TNNI3K: variants seen among roughly 807,000 people sequenced by gnomAD.
TNNI3K encodes the protein TNNI3 interacting kinase, also known as serine/threonine-protein kinase TNNI3K.
In TNNI3K, 140 loss-of-function variants were observed where a neutral mutation model predicts 114.5. The observed-to-expected ratio is 1.22, with a 90% confidence interval of 1.07 to 1.41. The LOEUF is 1.41. Ranked by LOEUF, TNNI3K falls within the 40% of genes most tolerant of loss-of-function variation. The pLI is 0.00. For synonymous variants in TNNI3K, 347 were observed against 347.5 expected, an observed-to-expected ratio of 1.00 and a Z score of 0.02; for missense variants, 1,125 against 1,007.6, an observed-to-expected ratio of 1.12 and a Z score of -1.58.
At chr1:74,312,624 G>A (rs1039885463) in intron 5 of TNNI3K, among the ~76,000 whole-genome samples, 1 of 152,180 alleles carries the variant, frequency 6.6e-6, no homozygotes, top group Non-Finnish European at 1.5e-5. Flanking sequence ...TAAAACAGGA[G>A]GCTGACTTCT....
At chr1:74,463,912 A>T (rs1245848052) in intron 21 of TNNI3K, among the ~76,000 whole-genome samples, 1 of 152,216 alleles carries the variant, frequency 6.6e-6, no homozygotes, top group Non-Finnish European at 1.5e-5. Flanking sequence ...GCTTTTAAAC[A>T]TGAGGCAGGC....
intron 17 of TNNI3K, among the ~76,000 whole-genome samples, chr1:74,392,754 G>C (rs1663856467): frequency 6.6e-6 from 1 of 152,140 alleles, no homozygotes; most frequent in Non-Finnish European, 1.5e-5. Flanking sequence ...CTCCCGAAAT[G>C]CATAATTTTT....
At chr1:74,244,759 T>C (rs1654451277) in intron 2 of TNNI3K, among the ~76,000 whole-genome samples, 1 of 151,162 alleles carries the variant, frequency 6.6e-6, no homozygotes, top group South Asian at 2.1e-4. Flanking sequence ...GTATAGTAGG[T>C]GTTTAGCAGG....
intron 23 of TNNI3K, among the ~76,000 whole-genome samples, chr1:74,526,175 G>C (rs1646502237): frequency 6.6e-6 from 1 of 152,184 alleles, no homozygotes; most frequent in Non-Finnish European, 1.5e-5. Flanking sequence ...ATGCAGACTG[G>C]CTTGTCATAA....
intron 5 of TNNI3K, among the ~76,000 whole-genome samples, chr1:74,286,683 G>A (rs956084268): frequency 7.9e-5 from 12 of 151,282 alleles, no homozygotes; most frequent in Admixed American, 5.9e-4. Context: ...GAGGACTCCC[G>A]TGGCAAGCCC....
At chr1:74,349,260 T>C (rs1427133914) in intron 9 of TNNI3K, among the ~76,000 whole-genome samples, 1 of 152,178 alleles carries the variant, frequency 6.6e-6, no homozygotes, top group African/African-American at 2.4e-5. Context: ...TTGTCTTTGG[T>C]TCTGTTTATA....
intron 5 of TNNI3K, among the ~76,000 whole-genome samples, chr1:74,317,357 A>G (rs776056608): frequency 1.3e-5 from 2 of 152,232 alleles, no homozygotes; most frequent in Non-Finnish European, 2.9e-5. Flanking sequence ...AATGCTTACT[A>G]TGGATTAAGT....
chr1:74,350,768 A>G (rs1237095278), intron 9 of TNNI3K, among the ~76,000 whole-genome samples: 1 of 151,830 alleles, frequency 6.6e-6, no homozygotes, highest in African/African-American at 2.4e-5. Flanking sequence ...AGTCTGTTTT[A>G]TCCAAGAGTA....
At chr1:74,298,768 G>A (rs1182074558) in intron 5 of TNNI3K, among the ~76,000 whole-genome samples, 1 of 152,052 alleles carries the variant, frequency 6.6e-6, no homozygotes, top group African/African-American at 2.4e-5. Context: ...TAAGAGACAT[G>A]TAGACATCTC....
chr1:74,388,730 GTATTT>G (rs1000416794), intron 17 of TNNI3K, among the ~76,000 whole-genome samples: 18 of 152,144 alleles, frequency 1.2e-4, no homozygotes, highest in African/African-American at 4.3e-4. Flanking sequence ...TATTTTCCTG[GTATTT>G]TATATTTATT....
intron 20 of TNNI3K, among the ~76,000 whole-genome samples, chr1:74,451,327 G>C (rs941124883): frequency 1.3e-5 from 2 of 152,058 alleles, no homozygotes; most frequent in African/African-American, 4.8e-5. Context: ...GTTGATAGGT[G>C]CAGCAAACCA....
Position 74,369,235 on chromosome 1 carries a change from A to G in TNNI3K, c.1443A>G (p.Arg481=), listed in dbSNP as rs745650050. 3 of 1,612,212 alleles carry G rather than the reference A, an allele frequency of 1.9e-6. No individual in the cohort carries two copies. The highest frequency in any genetic ancestry group is 2.5e-6 in the Non-Finnish European group (3 of 1,179,064). Residue 481 remains arginine (R), a synonymous_variant, in exon 15 of 25, where the codon CGA becomes CGG. Coordinates refer to ENST00000326637, the MANE Select transcript of TNNI3K (RefSeq NM_015978.3). ...SGSFGKVYKG[R]CRNKIVAIKR... is the part of the protein sequence containing the mutation. ...CTTTTGGGAAAGTATATAAAGGACGATGCAGAAATAAAATAGTGGCTATAA... is the reference window on the plus strand; with the variant it reads ...CTTTTGGGAAAGTATATAAAGGACGGTGCAGAAATAAAATAGTGGCTATAA...
intron 23 of TNNI3K, among the ~76,000 whole-genome samples, chr1:74,503,295 A>C (rs1225603187): frequency 6.6e-6 from 1 of 152,200 alleles, no homozygotes; most frequent in Non-Finnish European, 1.5e-5. Context: ...AAATAATTTT[A>C]ATATTTATAA....
intron 5 of TNNI3K, among the ~76,000 whole-genome samples, chr1:74,292,296 C>T (rs1657729184): frequency 6.6e-6 from 1 of 151,234 alleles, no homozygotes; most frequent in Admixed American, 6.6e-5. Flanking sequence ...TTTCTAATTT[C>T]TTAAGATGGA....
chr1:74,362,651 A>G (rs534033651), intron 11 of TNNI3K, among the ~76,000 whole-genome samples: 1 of 152,282 alleles, frequency 6.6e-6, no homozygotes, highest in African/African-American at 2.4e-5. Flanking sequence ...TGATGTAGAT[A>G]TTAAACTGTC....
At chr1:74,368,800 T>C (rs939793052) in intron 13 of TNNI3K, among the ~76,000 whole-genome samples, 10 of 151,712 alleles carry the variant, frequency 6.6e-5, no homozygotes, top group Admixed American at 1.3e-4. Context: ...TAACAAGGAG[T>C]GAGTAATCAA....
Position 74,369,406 on chromosome 1 carries a change from C to G in TNNI3K, c.1488C>G (p.Thr496=). 1 of 1,610,858 alleles carries G rather than the reference C, an allele frequency of 6.2e-7. No individual in the cohort carries two copies. The highest frequency in any genetic ancestry group is 8.5e-7 in the Non-Finnish European group (1 of 1,178,438). Residue 496 remains threonine, a synonymous_variant, in exon 16 of 25, where the codon ACC becomes ACG. Transcript: ENST00000326637. ...IVAIKRYRAN[T]YCSKSDVDMF... ...CCATTTCCAGTTATCGAGCCAATAC[C>G]TACTGCTCCAAGTCAGATGTGGATA... is the stretch of plus-strand genomic sequence containing the variant.
At chr1:74,259,626 A>G (rs1570385239) in intron 4 of TNNI3K, among the ~76,000 whole-genome samples, 1 of 152,244 alleles carries the variant, frequency 6.6e-6, no homozygotes, top group South Asian at 2.1e-4. Flanking sequence ...TACAAAAATT[A>G]GCCATATGTG....
At chr1:74,268,011 A>AT (rs1431055611) in intron 4 of TNNI3K, among the ~76,000 whole-genome samples, 13 of 151,982 alleles carry the variant, frequency 8.6e-5, no homozygotes, top group Non-Finnish European at 1.8e-4. Context: ...GTCATAAAAT[A>AT]GACATTCATT....
Sources: gnomAD v4.1 joint callset for allele counts (sites outside exome capture counted in the v4.1 genomes callset) on GRCh38, gnomAD v4.1.1 for gene constraint, MANE v1.5 for transcripts, NCBI Gene and HGNC (gene_info 2026-07-23, HGNC 2026-07-21) for gene names.